TDRD5: variants seen among roughly 807,000 people sequenced by gnomAD.
The protein encoded by TDRD5 is tudor domain-containing protein 5.
TDRD5 carries 41 observed loss-of-function variants against 120.6 expected under a neutral mutation model. The observed-to-expected ratio is 0.34, with a 90% CI of 0.26 to 0.44. The LOEUF is 0.44. Among genes scored for constraint, TDRD5 ranks in the 20% least tolerant of loss-of-function variants. The pLI is 1.00. For synonymous variants in TDRD5, 430 were observed against 433.7 expected (o/e 0.99, Z 0.11); for missense variants, 1,006 against 1,221.2 (o/e 0.82, Z 2.63).
chr1:179,683,027 C>G (rs1187859545), intron 17 of TDRD5, among the ~76,000 whole-genome samples: 1 of 151,990 alleles, frequency 6.6e-6, no homozygotes. Context: ...TTCTCTCTCT[C>G]TCTCTGCAGC....
chr1:179,650,727 C>A, intron 11 of TDRD5, 140 bp from the exon 12 acceptor site: 1 of 755,064 alleles, frequency 1.3e-6, no homozygotes, highest in East Asian at 2.7e-5. Context: ...TCATATATAT[C>A]CTCCTATGTG....
intron 17 of TDRD5, among the ~76,000 whole-genome samples, chr1:179,677,661 G>A (rs1373734188): frequency 6.6e-6 from 1 of 152,080 alleles, no homozygotes; most frequent in African/African-American, 2.4e-5. Flanking sequence ...CTGGGCTCTG[G>A]GCTGGTACTG....
At chr1:179,636,041 A>G (rs1327948656) in intron 9 of TDRD5, among the ~76,000 whole-genome samples, 154 bp downstream of exon 9, 1 of 152,176 alleles carries the variant, frequency 6.6e-6, no homozygotes, top group Non-Finnish European at 1.5e-5. Context: ...TAAAATTTTA[A>G]TATTAAAATA....
At chr1:179,651,126 A>G in intron 12 of TDRD5, 59 bp downstream of exon 12, 4 of 1,537,298 alleles carry the variant, frequency 2.6e-6, no homozygotes, top group Non-Finnish European at 3.5e-6. Context: ...ACGTCAAGGT[A>G]TAAGATAATT....
intron 6 of TDRD5, among the ~76,000 whole-genome samples, chr1:179,624,856 C>T (rs186548901): frequency 3.3e-4 from 50 of 152,108 alleles, no homozygotes; most frequent in Non-Finnish European, 4.7e-4. Context: ...ATAATTCTTG[C>T]GGGCTATTCG....
rs1675347623 is a variant in TDRD5, at chr1:179,595,630, A to T, written c.643A>T (p.Lys215Ter). Reference protein sequence around the residue: ...EEKPRGCPAGKIFTQPFRMKQ... With the variant: ...EEKPRGCPAG ...TCTTCTTCTATTACTCACAAAAGGT[A>T]AAATTTTTACCCAGCCATTTAGAAT... The change falls in exon 4 of 18, where the codon AAA becomes TAA. Residue 215 changes from lysine (K) to a stop codon, truncating the protein, a stop_gained and splice_region_variant. Transcript: ENST00000444136. LOFTEE classifies it high-confidence loss of function. 10 of 1,555,538 alleles carry T rather than the reference A, an allele frequency of 6.4e-6. No homozygotes were observed. The highest frequency in any genetic ancestry group is 8.7e-6 in the Non-Finnish European group (10 of 1,155,298).
intron 6 of TDRD5, among the ~76,000 whole-genome samples, chr1:179,629,872 A>G (rs1045257435): frequency 4.0e-5 from 6 of 151,826 alleles, no homozygotes; most frequent in Non-Finnish European, 1.5e-5. Context: ...TCCCATATAT[A>G]TTGTCTTCTG....
intron 6 of TDRD5, among the ~76,000 whole-genome samples, chr1:179,623,002 A>G (rs1004377394): frequency 1.3e-5 from 2 of 152,210 alleles, no homozygotes; most frequent in Non-Finnish European, 2.9e-5. Flanking sequence ...AGCCAGACTA[A>G]AAATAACACA....
intron 9 of TDRD5, among the ~76,000 whole-genome samples, chr1:179,637,871 T>A (rs1677851512): frequency 6.6e-6 from 1 of 151,896 alleles, no homozygotes; most frequent in Non-Finnish European, 1.5e-5. Flanking sequence ...TAAAAGGGAG[T>A]CGTTCTGCCT....
At chr1:179,667,144 G>C (rs2147773199) in intron 16 of TDRD5, among the ~76,000 whole-genome samples, 1 of 152,328 alleles carries the variant, frequency 6.6e-6, no homozygotes, top group Middle Eastern at 3.4e-3. Flanking sequence ...CTGCTGATGA[G>C]TGAACACCAC....
chr1:179,657,208 T>C (rs886334851), intron 14 of TDRD5, among the ~76,000 whole-genome samples: 1 of 152,202 alleles, frequency 6.6e-6, no homozygotes, highest in South Asian at 2.1e-4. Flanking sequence ...GTTATATATA[T>C]AGATAATTTT....
chr1:179,618,769 A>G (rs746828768), intron 5 of TDRD5, 87 bp downstream of exon 5: 22 of 943,534 alleles, frequency 2.3e-5, no homozygotes, highest in Non-Finnish European at 3.3e-5. Flanking sequence ...GCAAGTATTA[A>G]TTTACATCTA....
chr1:179,622,541 G>A (rs951099972), intron 6 of TDRD5, among the ~76,000 whole-genome samples: 8 of 152,088 alleles, frequency 5.3e-5, no homozygotes, highest in African/African-American at 1.9e-4. Flanking sequence ...AAAGGAATAA[G>A]TATTCAGAGT....
At chr1:179,621,216 G>T in intron 6 of TDRD5, 125 bp downstream of exon 6, 1 of 732,740 alleles carries the variant, frequency 1.4e-6, no homozygotes, top group Non-Finnish European at 2.1e-6. Flanking sequence ...ATTTTGTTTT[G>T]CATTTTAGTA....
chr1:179,664,984 A>G lies in TDRD5; in HGVS notation c.2649+1493A>G, dbSNP rs528924908. On this transcript the variant is annotated intron_variant, in intron 16 of 17. Transcript: ENST00000444136. The stretch of plus-strand genomic sequence containing the variant: ...ATTGCCTGTTCTTTTGATTATGGCC[A>G]TGCTAGTGGATATGAAGGGTTTTCT... Among the ~76,000 whole-genome samples the G allele has an allele frequency of 8.5e-5, 13 of 152,230 alleles. No homozygotes were observed. In the South Asian group the frequency reaches 2.5e-3, roughly 29 times the overall value.
At chr1:179,658,442 A>G (rs190617989) in intron 14 of TDRD5, among the ~76,000 whole-genome samples, 1 of 152,266 alleles carries the variant, frequency 6.6e-6, no homozygotes, top group Non-Finnish European at 1.5e-5. Context: ...GCTTTAGTAG[A>G]TATAAGATTA....
chr1:179,667,050 G>A (rs1417945699), intron 16 of TDRD5, among the ~76,000 whole-genome samples: 1 of 152,180 alleles, frequency 6.6e-6, no homozygotes, highest in Admixed American at 6.5e-5. Context: ...TGGGAATCTT[G>A]TTAAAATGCA....
chr1:179,634,341 C>A, intron 7 of TDRD5, 116 bp from the exon 8 acceptor site: 1 of 1,026,478 alleles, frequency 9.7e-7, no homozygotes, highest in Non-Finnish European at 1.4e-6. Context: ...TTTCTAGCAC[C>A]TGGTGTGTTG....
intron 4 of TDRD5, among the ~76,000 whole-genome samples, chr1:179,602,265 G>C (rs566103228): frequency 6.6e-6 from 1 of 152,196 alleles, no homozygotes; most frequent in Non-Finnish European, 1.5e-5. Context: ...GAGTAAGGTA[G>C]TATCTCATTG....
Sources: gnomAD v4.1 joint callset for allele counts (sites outside exome capture counted in the v4.1 genomes callset) on GRCh38, gnomAD v4.1.1 for gene constraint, MANE v1.5 for transcripts, NCBI Gene and HGNC (gene_info 2026-07-23, HGNC 2026-07-21) for gene names.